Variants in CEP44 observed in about 807,000 individuals in gnomAD.
CEP44 encodes the protein centrosomal protein of 44 kDa.
In CEP44, 45 loss-of-function variants were observed where a neutral mutation model predicts 46.7. The observed-to-expected ratio is 0.96, with a 90% CI of 0.76 to 1.24. The LOEUF is 1.24. CEP44 is among the 50% of genes most tolerant of loss of function. The pLI is 0.00. For synonymous variants in CEP44, 142 were observed against 146.0 expected, an observed-to-expected ratio of 0.97 and a Z score of 0.20; for missense variants, 475 against 459.7, an observed-to-expected ratio of 1.03 and a Z score of -0.30.
Position 174,286,492 on chromosome 4 carries a change from C to CTTTGAGT in CEP44, c.-148+2549_-148+2550insTTTGAGT, listed in dbSNP as rs1737600902. On this transcript the variant is annotated intron_variant, in intron 1 of 11. Transcript: ENST00000503780. The surrounding 1 kb of genome is among the most constrained non-coding windows in gnomAD (Gnocchi z 5.2). ...CTTCATTCTCAAAGGGTTCATTACTCAAGGTATTGTTATGTATTACTTTTC... is the reference window on the plus strand; with the variant it reads ...CTTCATTCTCAAAGGGTTCATTACTCTTTGAGTAAGGTATTGTTATGTATTACTTTTC... Among the ~76,000 whole-genome samples the CTTTGAGT allele has an allele frequency of 1.3e-5, 2 of 152,148 alleles. No homozygotes were observed. The highest frequency in any genetic ancestry group is 1.3e-4 in the Admixed American group (2 of 15,280).
chr4:174,330,854 C>G (rs1450642318), intron 8 of CEP44, among the ~76,000 whole-genome samples: 1 of 143,542 alleles, frequency 7.0e-6, no homozygotes, highest in Non-Finnish European at 1.5e-5. Context: ...CATTCTCAAC[C>G]TCTTTATTAA....
chr4:174,307,701 G>C (rs767581288), intron 6 of CEP44, among the ~76,000 whole-genome samples: 6 of 152,048 alleles, frequency 3.9e-5, no homozygotes, highest in Admixed American at 1.3e-4. Flanking sequence ...GAAAATTTTT[G>C]CAAACTTGTA....
In CEP44 at chr4:174,312,573, G is replaced by T. The variant is rs1741208596; in HGVS notation, c.961+1715G>T. Among the ~76,000 whole-genome samples the T allele has an allele frequency of 6.6e-6, 1 of 152,026 alleles. No homozygotes were observed. Among genetic ancestry groups the T allele is most frequent in the Non-Finnish European group, 1.5e-5 (1 of 68,002 alleles). On this transcript the variant is annotated intron_variant, in intron 9 of 11. Transcript: ENST00000503780. The surrounding 1 kb of genome is among the most constrained non-coding windows in gnomAD (Gnocchi z 4.5). ...CCCATCTCTGCTTCTCAAAGTACTG[G>T]GATTACAGGTGTGAGTTAACATGTC...
downstream of CEP44, among the ~76,000 whole-genome samples, chr4:174,321,023 C>T (rs1742281606): frequency 6.6e-6 from 1 of 151,896 alleles, no homozygotes; most frequent in Non-Finnish European, 1.5e-5. Flanking sequence ...AGTATCTGGA[C>T]TGAGAGATAG....
chr4:174,309,930 G>A lies in CEP44; in HGVS notation c.759G>A (p.Ser253=), dbSNP rs1413337176. The A allele has an allele frequency of 1.6e-5, 26 of 1,612,378 alleles. No homozygotes were observed. Among genetic ancestry groups the A allele is most frequent in the Middle Eastern group, 1.6e-4 (1 of 6,072 alleles). The change falls in exon 8 of 12, where the codon TCG becomes TCA. Residue 253 remains serine (S), a synonymous_variant. Coordinates refer to ENST00000503780, the MANE Select transcript of CEP44 (RefSeq NM_001040157.3). The surrounding 1 kb of genome is among the most constrained non-coding windows in gnomAD (Gnocchi z 5.3). ...AAGAAAATCTTAAGAAACTGACTTC[G>A]ATAGAGAAAAGGTTAGACTGTTTGG... ...ECQENLKKLT[S]IEKRLDCLEQ...
chr4:174,319,023 G>A lies in CEP44; in HGVS notation c.*1640G>A. ...AGGGTTTCACCATGTTGCCCAGTCT[G>A]TTCTCAAACTCGTGAGCTAAAGCTA... On this transcript the variant is annotated 3_prime_UTR_variant, in exon 12 of 12. Coordinates refer to ENST00000503780, the MANE Select transcript of CEP44 (RefSeq NM_001040157.3). 4 of 432,330 alleles carry A rather than the reference G, an allele frequency of 9.3e-6. No individual in the cohort carries two copies. Among genetic ancestry groups the A allele is most frequent in the Non-Finnish European group, 1.2e-5 (4 of 325,070 alleles). 26.8% of individuals were successfully genotyped at this position (432,330 alleles called of 1,614,324 possible).
Position 174,283,997 on chromosome 4 carries a change from G to T in CEP44, c.-148+54G>T. On this transcript the variant is annotated intron_variant, in intron 1 of 11. Transcript: ENST00000503780. The surrounding 1 kb of genome is among the most constrained non-coding windows in gnomAD (Gnocchi z 6.7). ...CAAATACAAACGGTCGGCGCGAGAA[G>T]CGCTTCTGGGCGCAGGCGCCTGGCT... The T allele has an allele frequency of 1.0e-5, 4 of 399,734 alleles. No individual in the cohort carries two copies. The highest frequency in any genetic ancestry group is 1.3e-5 in the Non-Finnish European group (3 of 226,812). The allele number at this position is 399,734 out of a possible 1,614,324, so 24.8% of individuals were successfully genotyped here. A position where few individuals can be genotyped will look rare whatever the true frequency, so the allele number is the denominator to read the frequency against.
intron 8 of CEP44, among the ~76,000 whole-genome samples, chr4:174,328,699 A>T (rs1412401295): frequency 6.6e-6 from 1 of 152,142 alleles, no homozygotes; most frequent in Non-Finnish European, 1.5e-5. Flanking sequence ...CATGGCAAAG[A>T]ATTTCTCAAC....
chr4:174,324,768 G>A (rs559439426), downstream of CEP44, among the ~76,000 whole-genome samples: 1 of 152,240 alleles, frequency 6.6e-6, no homozygotes, highest in South Asian at 2.1e-4. Flanking sequence ...CAGGGTTTCA[G>A]TTCCATGCCA....
exon 9 of CEP44, chr4:174,332,157 A>G (rs1731348401): frequency 6.5e-6 from 1 of 152,980 alleles, no homozygotes; most frequent in Non-Finnish European, 1.5e-5. Flanking sequence ...ATATAGCTCA[A>G]CAGTGAAAGT....
chr4:174,313,278 C>G (rs10520279), intron 9 of CEP44, among the ~76,000 whole-genome samples: 27,072 of 151,254 alleles, frequency 0.18, 2,946 homozygotes, highest in East Asian at 0.58. Context: ...TTAGAGGGTA[C>G]AGTAGTTTAG....
intron 1 of CEP44, among the ~76,000 whole-genome samples, chr4:174,291,518 T>C (rs1328755953): frequency 2.0e-5 from 3 of 152,122 alleles, no homozygotes; most frequent in South Asian, 2.1e-4. Flanking sequence ...ACTATTTTTG[T>C]CTTTTAATTT....
rs1348814606 is a variant in CEP44, at chr4:174,287,883, A to G, written c.-148+3940A>G. 6.6e-6 allele frequency among the ~76,000 whole-genome samples: 1 copy of G among 152,228 alleles called. No homozygotes were observed. Among genetic ancestry groups the G allele is most frequent in the Non-Finnish European group, 1.5e-5 (1 of 68,026 alleles). On this transcript the variant is annotated intron_variant, in intron 1 of 11. Coordinates refer to ENST00000503780, the MANE Select transcript of CEP44 (RefSeq NM_001040157.3). The surrounding 1 kb of genome is among the most constrained non-coding windows in gnomAD (Gnocchi z 5.1). The stretch of plus-strand genomic sequence containing the variant: ...TACCAGGTATAGACAAGAATGTAGT[A>G]TTTAAAGCTAATATCTGAAATTCTC...
intron 1 of CEP44, among the ~76,000 whole-genome samples, chr4:174,295,139 T>A (rs1376124945): frequency 1.3e-5 from 2 of 149,764 alleles, no homozygotes; most frequent in African/African-American, 2.5e-5. Flanking sequence ...GACCCTCACC[T>A]CCCTCCCGGA....
At position 174,302,048 on chromosome 4, in the gene CEP44, G is replaced by T. The variant is rs750418957; in HGVS notation, c.99G>T (p.Lys33Asn). 1 of 1,601,240 alleles carries T rather than the reference G, an allele frequency of 6.2e-7. No homozygotes were observed. Among genetic ancestry groups the T allele is most frequent in the Middle Eastern group, 1.7e-4 (1 of 6,028 alleles). ...PEEVDCVGLI[K>N]GDPAASLPII... ...CTTTTTTTCCTAACAGTTTGATAAA[G>T]GGAGACCCAGCAGCATCTTTGCCCA... The change falls in exon 4 of 12, where the codon AAG becomes AAT. Residue 33 changes from lysine (K) to asparagine (N), a missense_variant. By Grantham distance (94) the Lys-to-Asn change is moderately conservative (BLOSUM62 0). Coordinates refer to ENST00000503780, the MANE Select transcript of CEP44 (RefSeq NM_001040157.3).
chr4:174,317,952 T>G lies in CEP44; in HGVS notation c.*569T>G, dbSNP rs1560918700. On this transcript the variant is annotated 3_prime_UTR_variant, in exon 12 of 12. Transcript: ENST00000503780. ...GAAATTAAGGTTAAGATTCTCCTTT[T>G]GTACTGGGAAACAGGCTGGAGGACT... The G allele has an allele frequency of 3.0e-6, 3 of 985,318 alleles. No homozygotes were observed. The highest frequency in any genetic ancestry group is 3.6e-6 in the Non-Finnish European group (3 of 829,914). The allele number at this position is 985,318 out of a possible 1,614,324, so 61.0% of individuals were successfully genotyped here.
chr4:174,330,859 T>C (rs1731285427), intron 8 of CEP44, among the ~76,000 whole-genome samples: 1 of 144,688 alleles, frequency 6.9e-6, no homozygotes, highest in Non-Finnish European at 1.5e-5. Flanking sequence ...TCAACCTCTT[T>C]ATTAACCTAC....
chr4:174,321,912 G>A (rs370251828), downstream of CEP44, among the ~76,000 whole-genome samples: 135 of 152,182 alleles, frequency 8.9e-4, no homozygotes, highest in African/African-American at 3.2e-3. Context: ...GAGGAAAACA[G>A]AAACCACTAG....
intron 6 of CEP44, among the ~76,000 whole-genome samples, chr4:174,305,032 A>T (rs139998502): frequency 3.3e-5 from 5 of 152,366 alleles, no homozygotes; most frequent in African/African-American, 9.6e-5. Flanking sequence ...ATGATAGAAT[A>T]TCAGATGAAT....
Sources: gnomAD v4.1 joint callset for allele counts (sites outside exome capture counted in the v4.1 genomes callset) on GRCh38, gnomAD v4.1.1 for gene constraint, Gnocchi (gnomAD v3.1) non-coding constraint, MANE v1.5 for transcripts, NCBI Gene and HGNC (gene_info 2026-07-23, HGNC 2026-07-21) for gene names.